HSD11B2: variants seen among roughly 807,000 people sequenced by gnomAD.
HSD11B2 encodes hydroxysteroid 11-beta dehydrogenase 2.
In HSD11B2, 17 loss-of-function variants were observed where a neutral mutation model predicts 20.9. The ratio of observed to expected loss-of-function variants is 0.81; its 90% CI spans 0.56 to 1.22. The LOEUF is 1.22. Ranked by LOEUF, HSD11B2 falls within the 50% of genes most tolerant of loss-of-function variation. HSD11B2 has a pLI of 0.00. For missense variants in HSD11B2, 480 were observed against 563.6 expected (o/e 0.85, Z 1.50); for synonymous variants, 253 against 255.4 (o/e 0.99, Z 0.09).
rs2040968548 is a variant in HSD11B2, at chr16:67,436,089, TG to T, written c.612del (p.Leu206CysfsTer10). On this transcript the variant is annotated frameshift_variant, in exon 3 of 5. Coordinates refer to ENST00000326152, the MANE Select transcript of HSD11B2 (RefSeq NM_000196.4). LOFTEE classifies it high-confidence loss of function. The surrounding 1 kb of genome is among the most constrained non-coding windows in gnomAD (Gnocchi z 5.7). ...GCGCTCGAGCTGACCAAGGGCCTCC[TG>T]CCCCTGCTGCGCAGCTCAAGGGGCC... ...FGALELTKGL[L>X]PLLRSSRGRI... 3 of 1,614,010 alleles carry T rather than the reference TG, an allele frequency of 1.9e-6. No individual in the cohort carries two copies. The highest frequency in any genetic ancestry group is 2.5e-6 in the Non-Finnish European group (3 of 1,180,030).
chr16:67,431,558 C>T (rs1567529202), intron 1 of HSD11B2, 45 bp downstream of exon 1: 3 of 1,305,102 alleles, frequency 2.3e-6, no homozygotes, highest in Non-Finnish European at 2.9e-6. Context: ...GGCTCGAGGG[C>T]GGGACTGGAC....
upstream of HSD11B2, among the ~76,000 whole-genome samples, chr16:67,430,006 C>T (rs2040918130): frequency 3.3e-5 from 5 of 152,178 alleles, no homozygotes; most frequent in Non-Finnish European, 5.9e-5. This position sits in a 1 kb window ranked among gnomAD's most constrained non-coding sequence, Gnocchi z 5.4. Flanking sequence ...CCACGGGAAG[C>T]AGGGACCCCT....
At position 67,436,789 on chromosome 16, in the gene HSD11B2, G is replaced by A. The variant is rs370615893; in HGVS notation, c.1004G>A (p.Arg335His). 2.5e-5 allele frequency: 40 copies of A among 1,613,620 alleles called. No individual in the cohort carries two copies. The highest frequency in any genetic ancestry group is 9.3e-5 in the African/African-American group (7 of 74,926). The change falls in exon 5 of 5, where the codon CGC (arginine) becomes CAC (histidine). Residue 335 changes from arginine (R) to histidine (H), a missense_variant. This residue lies in a region of HSD11B2 where 374 missense variants were observed against 480.9 expected (regional missense o/e 0.78). Transcript: ENST00000326152. This position sits in a 1 kb window ranked among gnomAD's most constrained non-coding sequence, Gnocchi z 5.7. Reference protein sequence around the residue: ...ITDALLAARPRRRYYPGQGLG... With the variant: ...ITDALLAARPHRRYYPGQGLG... The stretch of plus-strand genomic sequence containing the variant: ...GATGCGCTGCTGGCAGCTCGGCCCC[G>A]CCGCCGCTATTACCCCGGCCAGGGC...
rs1164331232 is a variant in HSD11B2 at position 67,436,452 on chromosome 16, A to G, written c.802+66A>G. 16 of 1,535,352 alleles carry G rather than the reference A, an allele frequency of 1.0e-5. No homozygotes were observed. The highest frequency in any genetic ancestry group is 1.4e-5 in the Non-Finnish European group (16 of 1,133,372). ...GGGCTGGGAATGGTCTTATGGGGGCAGGTCAGGTTTGATGAATGGTCATGG... is the reference window on the plus strand; with the variant it reads ...GGGCTGGGAATGGTCTTATGGGGGCGGGTCAGGTTTGATGAATGGTCATGG... On this transcript the variant is annotated intron_variant, in intron 4 of 4. Transcript: ENST00000326152. This position sits in a 1 kb window ranked among gnomAD's most constrained non-coding sequence, Gnocchi z 5.7.
At chr16:67,432,261 G>T (rs900232373) in intron 1 of HSD11B2, among the ~76,000 whole-genome samples, 4 of 128,428 alleles carry the variant, frequency 3.1e-5, no homozygotes, top group East Asian at 2.1e-4. Context: ...GAAGGGGAAG[G>T]GGGGGGGGGG....
At position 67,437,091 on chromosome 16, in the gene HSD11B2, C is replaced by T; in HGVS notation, c.*88C>T. On this transcript the variant is annotated 3_prime_UTR_variant, in exon 5 of 5. Coordinates refer to ENST00000326152, the MANE Select transcript of HSD11B2 (RefSeq NM_000196.4). ...CCCGAAAACCCCCAGCATTACGATC[C>T]CCCAAGTGTCCTGGACCCTGGCCTA... 1 of 1,348,154 alleles carries T rather than the reference C, an allele frequency of 7.4e-7. No homozygotes were observed. The highest frequency in any genetic ancestry group is 1.3e-5 in the South Asian group (1 of 79,364). The allele number at this position is 1,348,154 out of a possible 1,614,324, so 83.5% of individuals were successfully genotyped here.
At position 67,436,884 on chromosome 16, in the gene HSD11B2, T is replaced by A; in HGVS notation, c.1099T>A (p.Phe367Ile). Reference protein sequence around the residue: ...GLRRRFLQAFFISHCLPRALQ... With the variant: ...GLRRRFLQAFIISHCLPRALQ... Reference sequence around the variant, plus strand: ...GCGGCGCCGCTTCCTGCAGGCCTTCTTCATCAGTCACTGTCTGCCTCGAGC... The same window carrying A: ...GCGGCGCCGCTTCCTGCAGGCCTTCATCATCAGTCACTGTCTGCCTCGAGC... Residue 367 changes from phenylalanine to isoleucine, a missense_variant, in exon 5 of 5, where the codon TTC becomes ATC. Transcript: ENST00000326152. This position sits in a 1 kb window ranked among gnomAD's most constrained non-coding sequence, Gnocchi z 5.7. 3.1e-6 allele frequency: 5 copies of A among 1,613,568 alleles called. No homozygotes were observed. The South Asian group carries it at 5.5e-5, about 18-fold the overall frequency.
upstream of HSD11B2, chr16:67,430,748 G>C (rs1479833596): frequency 6.6e-6 from 1 of 152,590 alleles, no homozygotes; most frequent in African/African-American, 2.4e-5. This position sits in a 1 kb window ranked among gnomAD's most constrained non-coding sequence, Gnocchi z 5.4. Flanking sequence ...CGGGATGCCG[G>C]TTGTGCGTGT....
chr16:67,433,654 A>G (rs1280849450), intron 1 of HSD11B2, among the ~76,000 whole-genome samples: 2 of 149,998 alleles, frequency 1.3e-5, no homozygotes, highest in African/African-American at 4.9e-5. Context: ...TCTGAGGGGG[A>G]CCCGGACAAG....
At chr16:67,431,844 C>G (rs2040936041) in intron 1 of HSD11B2, among the ~76,000 whole-genome samples, 1 of 152,192 alleles carries the variant, frequency 6.6e-6, no homozygotes, top group Admixed American at 6.5e-5. Flanking sequence ...AGAGAGCAGT[C>G]TCAGGGGACT....
chr16:67,435,703 T>C lies in HSD11B2; in HGVS notation c.341T>C (p.Leu114Ser), dbSNP rs770686551. 6 of 1,613,934 alleles carry C rather than the reference T, an allele frequency of 3.7e-6. No individual in the cohort carries two copies. In the South Asian group the frequency reaches 4.4e-5, roughly 12 times the overall value. ...GGCTTCACGGTGCTGGCCACCGTAT[T>C]GGAGTTGAACAGCCCCGGTGCCATC... The part of the protein sequence containing the change: ...SMGFTVLATV[L>S]ELNSPGAIEL... Residue 114 changes from leucine to serine, a missense_variant, in exon 2 of 5, where the codon TTG (leucine) becomes TCG (serine). Transcript: ENST00000326152.
chr16:67,430,807 G>C (rs565903098), upstream of HSD11B2: 21 of 153,412 alleles, frequency 1.4e-4, no homozygotes, highest in African/African-American at 4.8e-4. The surrounding 1 kb of genome is among the most constrained non-coding windows in gnomAD (Gnocchi z 5.4). Flanking sequence ...ACCTGAGCGC[G>C]GCGGCTTGGC....
chr16:67,435,525 G>A, intron 1 of HSD11B2, 103 bp from the exon 2 acceptor site: 1 of 903,966 alleles, frequency 1.1e-6, no homozygotes, highest in Non-Finnish European at 1.8e-6. Flanking sequence ...TGGTGGCTTG[G>A]TTTGCAGGGG....
rs1184482822 is a variant in HSD11B2 at position 67,437,320 on chromosome 16, C to A, written c.*317C>A. 4.2e-6 allele frequency: 2 copies of A among 480,292 alleles called. No individual in the cohort carries two copies. Among genetic ancestry groups the A allele is most frequent in the African/African-American group, 3.9e-5 (2 of 51,616 alleles). The allele number at this position is 480,292 out of a possible 1,614,324, so 29.8% of individuals were successfully genotyped here. On this transcript the variant is annotated 3_prime_UTR_variant, in exon 5 of 5. Transcript: ENST00000326152. Reference sequence around the variant, plus strand: ...CTTCACTGCAGCCTTTCACAGGACTCTGCAGATAGTGCCTCTGCAAACTAA... The same window carrying A: ...CTTCACTGCAGCCTTTCACAGGACTATGCAGATAGTGCCTCTGCAAACTAA...
Position 67,431,241 on chromosome 16 carries a change from G to C in HSD11B2, c.-8G>C, listed in dbSNP as rs2040930275. On this transcript the variant is annotated 5_prime_UTR_variant, in exon 1 of 5. Coordinates refer to ENST00000326152, the MANE Select transcript of HSD11B2 (RefSeq NM_000196.4). ...CCGCCCCGCCCCGCCCCAGCCCGCT[G>C]GGCCGCCATGGAGCGCTGGCCTTGG... 8.3e-7 allele frequency: 1 copy of C among 1,206,542 alleles called. No individual in the cohort carries two copies. The highest frequency in any genetic ancestry group is 1.6e-5 in the African/African-American group (1 of 62,338). 74.7% of individuals were successfully genotyped at this position (1,206,542 alleles called of 1,614,324 possible).
In HSD11B2 at chr16:67,436,797, T is replaced by C. The variant is rs387907117; in HGVS notation, c.1012T>C (p.Tyr338His). 3.1e-6 allele frequency: 5 copies of C among 1,613,836 alleles called. No individual in the cohort carries two copies. Among genetic ancestry groups the C allele is most frequent in the South Asian group, 1.1e-5 (1 of 91,086 alleles). Residue 338 changes from tyrosine to histidine, a missense_variant, in exon 5 of 5, where the codon TAT becomes CAT. Physicochemically the swap from Tyr to His is moderately conservative, Grantham distance 83. This residue lies in a region of HSD11B2 where 374 missense variants were observed against 480.9 expected (regional missense o/e 0.78). Coordinates refer to ENST00000326152, the MANE Select transcript of HSD11B2 (RefSeq NM_000196.4). This position sits in a 1 kb window ranked among gnomAD's most constrained non-coding sequence, Gnocchi z 5.7. ...ALLAARPRRR[Y>H]YPGQGLGLMY... ...GCTGGCAGCTCGGCCCCGCCGCCGC[T>C]ATTACCCCGGCCAGGGCCTGGGGCT...
At position 67,437,107 on chromosome 16, in the gene HSD11B2, C is replaced by A. The variant is rs903591321; in HGVS notation, c.*104C>A. Reference sequence around the variant, plus strand: ...ATTACGATCCCCCAAGTGTCCTGGACCCTGGCCTAAAGAATCCCACCCCCA... The same window carrying A: ...ATTACGATCCCCCAAGTGTCCTGGAACCTGGCCTAAAGAATCCCACCCCCA... On this transcript the variant is annotated 3_prime_UTR_variant, in exon 5 of 5. Transcript: ENST00000326152. The A allele has an allele frequency of 3.0e-5, 38 of 1,250,128 alleles. No individual in the cohort carries two copies. Among genetic ancestry groups the A allele is most frequent in the Non-Finnish European group, 6.7e-6 (6 of 901,888 alleles). 77.4% of individuals were successfully genotyped at this position (1,250,128 alleles called of 1,614,324 possible).
chr16:67,430,674 G>C (rs2040923505), upstream of HSD11B2: 1 of 153,624 alleles, frequency 6.5e-6, no homozygotes, highest in African/African-American at 2.4e-5. The surrounding 1 kb of genome is among the most constrained non-coding windows in gnomAD (Gnocchi z 5.4). Flanking sequence ...GGTGAGCACC[G>C]GCTGGTTCCT....
chr16:67,434,954 G>C (rs1026681133), intron 1 of HSD11B2, among the ~76,000 whole-genome samples: 1 of 151,738 alleles, frequency 6.6e-6, no homozygotes, highest in Non-Finnish European at 1.5e-5. Flanking sequence ...GCTTGAACCC[G>C]GGAGGCAGAG....
Sources: allele counts gnomAD v4.1 joint callset (sites outside exome capture counted in the v4.1 genomes callset), GRCh38; gene constraint gnomAD v4.1.1; regional missense constraint gnomAD v4.1.1; non-coding constraint Gnocchi (gnomAD v3.1); transcripts MANE v1.5; gene names NCBI Gene and HGNC (gene_info 2026-07-23, HGNC 2026-07-21).